Variants in CEP135 observed in about 807,000 individuals in gnomAD.
CEP135 encodes centrosomal protein 135.
A neutral mutation model predicts 157.3 loss-of-function variants in CEP135; 142 were observed. The ratio of observed to expected loss-of-function variants is 0.90; its 90% confidence interval spans 0.79 to 1.04. CEP135 has a LOEUF of 1.04. Ranked by LOEUF, CEP135 falls within the 50% of genes least tolerant of loss-of-function variation. The pLI, the probability that CEP135 is intolerant of heterozygous loss-of-function variation, is 0.00. For synonymous variants in CEP135, 396 were observed against 439.8 expected (o/e 0.90, Z 1.25); for missense variants, 1,317 against 1,309.2 (o/e 1.01, Z -0.09).
chr4:55,968,455 AT>A (rs1436462801), intron 8 of CEP135, among the ~76,000 whole-genome samples: 1 of 151,800 alleles, frequency 6.6e-6, no homozygotes, highest in Non-Finnish European at 1.5e-5. Flanking sequence ...CACCAACACA[AT>A]CTTGAAAAAG....
Position 55,952,162 on chromosome 4 carries a change from A to G in CEP135, c.32A>G (p.Asn11Ser), listed in dbSNP as rs1347434809. The G allele has an allele frequency of 6.2e-7, 1 of 1,612,112 alleles. No individual in the cohort carries two copies. The highest frequency in any genetic ancestry group is 1.7e-5 in the Admixed American group (1 of 60,012). The change falls in exon 2 of 26, where the codon AAT becomes AGT. Residue 11 changes from asparagine to serine, a missense_variant. Coordinates refer to ENST00000257287, the MANE Select transcript of CEP135 (RefSeq NM_025009.5). Reference protein sequence around the residue: MTTAVERKYINIRKRLDQLGY... With the variant: MTTAVERKYISIRKRLDQLGY... ...ACAGCTGTAGAGAGAAAGTATATTAATATTAGGAAAAGGCTGGATCAGCTG... is the reference window on the plus strand; with the variant it reads ...ACAGCTGTAGAGAGAAAGTATATTAGTATTAGGAAAAGGCTGGATCAGCTG...
chr4:55,983,110 T>G (rs1319287201), intron 13 of CEP135, among the ~76,000 whole-genome samples: 1 of 152,210 alleles, frequency 6.6e-6, no homozygotes, highest in African/African-American at 2.4e-5. Flanking sequence ...TTGGAATCTT[T>G]TGGAATACTG....
intron 17 of CEP135, among the ~76,000 whole-genome samples, chr4:56,004,622 T>C (rs1301861592): frequency 1.3e-5 from 2 of 152,210 alleles, no homozygotes; most frequent in Non-Finnish European, 2.9e-5. Context: ...ATTATTATAC[T>C]CTCTTTCTGT....
intron 9 of CEP135, among the ~76,000 whole-genome samples, chr4:55,970,360 C>T (rs1035945649): frequency 2.0e-5 from 3 of 152,114 alleles, no homozygotes; most frequent in Non-Finnish European, 2.9e-5. Flanking sequence ...AAGGTAGAAA[C>T]TGGGTAGTCA....
chr4:56,023,572 G>A lies in CEP135; in HGVS notation c.3321-929G>A, dbSNP rs28368303. ...TTGTGTGTGTCTATCTGTGTGTTCA[G>A]TTGGTATCCTATTTATTTTCACTAT... On this transcript the variant is annotated intron_variant, in intron 24 of 25. Transcript: ENST00000257287. Among the ~76,000 whole-genome samples the A allele has an allele frequency of 6.4e-3, 946 of 148,398 alleles. 11 individuals carry two copies. The highest frequency in any genetic ancestry group is 0.022 in the African/African-American group (911 of 40,574).
intron 5 of CEP135, among the ~76,000 whole-genome samples, chr4:55,957,846 G>A (rs922835156): frequency 6.6e-6 from 1 of 152,096 alleles, no homozygotes; most frequent in Non-Finnish European, 1.5e-5. Context: ...AACCTCCTGG[G>A]CAAGGCACTG....
intron 7 of CEP135, among the ~76,000 whole-genome samples, chr4:55,964,690 G>A (rs1431164583): frequency 6.6e-6 from 1 of 152,024 alleles, no homozygotes; most frequent in African/African-American, 2.4e-5. Flanking sequence ...TTGCTTTTAA[G>A]AAAATGTATA....
chr4:56,005,537 A>G (rs976328564), intron 17 of CEP135, among the ~76,000 whole-genome samples: 1 of 152,186 alleles, frequency 6.6e-6, no homozygotes, highest in African/African-American at 2.4e-5. Context: ...ACAGATTTGT[A>G]TATTGCCTAT....
At chr4:55,961,621 G>T (rs187132369) in intron 6 of CEP135, among the ~76,000 whole-genome samples, 35 of 151,754 alleles carry the variant, frequency 2.3e-4, no homozygotes, top group South Asian at 6.3e-4. Flanking sequence ...AAAATTAGCC[G>T]GGTGTGGTGG....
chr4:55,973,075 A>G (rs1729080919), intron 10 of CEP135, among the ~76,000 whole-genome samples: 4 of 152,284 alleles, frequency 2.6e-5, no homozygotes, highest in African/African-American at 7.2e-5. Context: ...TGTGTGGCCT[A>G]TCATTTCAGT....
chr4:56,032,361 C>T lies in CEP135; in HGVS notation c.*1013C>T, dbSNP rs1322163589. On this transcript the variant is annotated 3_prime_UTR_variant, in exon 26 of 26. Transcript: ENST00000257287. ...TTGGGAGGCTGAGGCAGGAGAATTG[C>T]TTGAACCCGGGAGGTGGAGGCTGCG... 1 of 151,844 alleles carries T rather than the reference C, an allele frequency of 6.6e-6. No individual in the cohort carries two copies. Among genetic ancestry groups the T allele is most frequent in the Non-Finnish European group, 1.5e-5 (1 of 68,004 alleles). The allele number at this position is 151,844 out of a possible 1,614,324, so 9.4% of individuals were successfully genotyped here. A position where few individuals can be genotyped will look rare whatever the true frequency, so the allele number is the denominator to read the frequency against.
intron 17 of CEP135, among the ~76,000 whole-genome samples, chr4:55,999,938 C>T (rs928850507): frequency 6.6e-6 from 1 of 152,260 alleles, no homozygotes; most frequent in South Asian, 2.1e-4. Flanking sequence ...ACCTGCAATC[C>T]CAGCACTTTG....
At chr4:55,961,751 C>A (rs953628115) in intron 6 of CEP135, among the ~76,000 whole-genome samples, 1 of 102,678 alleles carries the variant, frequency 9.7e-6, no homozygotes, top group Admixed American at 1.5e-4. Context: ...GCAACAAGAG[C>A]GAAAACTCTG....
chr4:55,955,722 G>A (rs1045427993), intron 4 of CEP135, among the ~76,000 whole-genome samples: 2 of 152,208 alleles, frequency 1.3e-5, no homozygotes, highest in Non-Finnish European at 2.9e-5. Context: ...TCTCTTTCGA[G>A]TGAATGAGTT....
chr4:55,983,143 T>TA (rs1577884635), intron 13 of CEP135, among the ~76,000 whole-genome samples: 2 of 152,340 alleles, frequency 1.3e-5, no homozygotes, highest in South Asian at 4.1e-4. Flanking sequence ...TGTTTTCTTA[T>TA]AAAAATAAGT....
At chr4:56,009,165 TTG>T (rs1167104604) in intron 18 of CEP135, among the ~76,000 whole-genome samples, 14 of 151,812 alleles carry the variant, frequency 9.2e-5, no homozygotes, top group Middle Eastern at 3.4e-3. Flanking sequence ...GTTGTTGTTG[TTG>T]TTTTTTGTTG....
At chr4:56,011,292 C>T in intron 19 of CEP135, 120 bp from the exon 20 acceptor site, 1 of 646,622 alleles carries the variant, frequency 1.5e-6, no homozygotes, top group Non-Finnish European at 2.6e-6. Flanking sequence ...CACTTAGGAA[C>T]AGTTTTCCTT....
intron 9 of CEP135, among the ~76,000 whole-genome samples, chr4:55,970,025 C>T (rs1408855815): frequency 6.9e-6 from 1 of 145,336 alleles, no homozygotes; most frequent in Non-Finnish European, 1.5e-5. Context: ...AGGCATGTGC[C>T]ACCGTGCCTA....
chr4:55,981,662 A>T, intron 13 of CEP135, among the ~76,000 whole-genome samples: 1 of 152,178 alleles, frequency 6.6e-6, no homozygotes, highest in East Asian at 1.9e-4. Context: ...CAATCCCTGA[A>T]CTTAAGCAGA....
Sources: allele counts gnomAD v4.1 joint callset (sites outside exome capture counted in the v4.1 genomes callset), GRCh38; gene constraint gnomAD v4.1.1; transcripts MANE v1.5; gene names NCBI Gene and HGNC (gene_info 2026-07-23, HGNC 2026-07-21).